PTPRD: variants seen among roughly 807,000 people sequenced by gnomAD.
PTPRD encodes receptor-type tyrosine-protein phosphatase delta.
PTPRD carries 34 observed loss-of-function variants against 214.5 expected under a neutral mutation model. That is an observed-to-expected ratio of 0.16 (90% CI 0.12 to 0.21). The LOEUF (loss-of-function observed/expected upper bound fraction) is 0.21, where lower values mean the gene tolerates loss of function less well. Among genes scored for constraint, PTPRD ranks in the 10% least tolerant of loss-of-function variants. PTPRD has a pLI of 1.00. For synonymous variants in PTPRD, 1,128 were observed against 845.7 expected, an observed-to-expected ratio of 1.33 and a Z score of -5.79; for missense variants, 2,545 against 2,398.7, an observed-to-expected ratio of 1.06 and a Z score of -1.27.
At chr9:9,939,157 C>G (rs1039027763) in intron 4 of PTPRD, among the ~76,000 whole-genome samples, 1 of 152,058 alleles carries the variant, frequency 6.6e-6, no homozygotes, top group Non-Finnish European at 1.5e-5. Context: ...CTCAAACGCA[C>G]CAGAGTGTTG....
At chr9:9,431,691 T>C (rs1237639396) in intron 8 of PTPRD, among the ~76,000 whole-genome samples, 4 of 152,026 alleles carry the variant, frequency 2.6e-5, no homozygotes, top group Admixed American at 2.6e-4. Flanking sequence ...TAAGAAAATG[T>C]GGCACATATA....
chr9:8,673,753 T>G (rs1385703256), intron 12 of PTPRD, among the ~76,000 whole-genome samples: 6 of 152,230 alleles, frequency 3.9e-5, no homozygotes, highest in African/African-American at 1.4e-4. Flanking sequence ...TCTCTATTTG[T>G]GTATGTTCAA....
Position 10,360,981 on chromosome 9 carries a change from A to G in PTPRD, c.-599-19964T>C, listed in dbSNP as rs184986503. ...GCCGGGCGTGGTGCCGGGCGCCTGT[A>G]GTCCCAGCTACTCGGGAGGCTGAGG... On this transcript the variant is annotated intron_variant, in intron 2 of 45. Transcript: ENST00000381196. 4.9e-3 allele frequency among the ~76,000 whole-genome samples: 739 copies of G among 152,208 alleles called. 7 individuals are homozygous for G. The highest frequency in any genetic ancestry group is 5.4e-3 in the Non-Finnish European group (367 of 68,018).
chr9:9,957,492 C>T (rs975303591), intron 4 of PTPRD, among the ~76,000 whole-genome samples: 8 of 151,848 alleles, frequency 5.3e-5, no homozygotes, highest in South Asian at 2.1e-4. Context: ...ATTAAATATC[C>T]GATGATTTAA....
intron 12 of PTPRD, among the ~76,000 whole-genome samples, chr9:8,655,385 C>T (rs185278924): frequency 6.7e-4 from 102 of 152,252 alleles, no homozygotes; most frequent in Middle Eastern, 6.8e-3. Context: ...TTTATTGTAA[C>T]TTAGGGGTTA....
chr9:8,381,520 G>T (rs975487010), intron 37 of PTPRD, among the ~76,000 whole-genome samples: 1 of 152,096 alleles, frequency 6.6e-6, no homozygotes, highest in African/African-American at 2.4e-5. Flanking sequence ...CAGTCAGTCT[G>T]GTTTGTGTAT....
chr9:8,861,067 G>A (rs2098093665), intron 11 of PTPRD: 1 of 152,160 alleles, frequency 6.6e-6, no homozygotes, highest in East Asian at 1.9e-4. Context: ...ATAGCACACA[G>A]GAGCTTTGCT....
At chr9:10,439,506 T>C (rs765983101) in intron 2 of PTPRD, among the ~76,000 whole-genome samples, 2 of 151,804 alleles carry the variant, frequency 1.3e-5, no homozygotes, top group African/African-American at 2.4e-5. Flanking sequence ...GTAGTGGTCT[T>C]GGACACATAT....
At chr9:9,448,247 G>C (rs989529068) in intron 8 of PTPRD, among the ~76,000 whole-genome samples, 1 of 151,944 alleles carries the variant, frequency 6.6e-6, no homozygotes, top group African/African-American at 2.4e-5. Flanking sequence ...ACTCTGATAC[G>C]GTTTGGCTAT....
chr9:9,154,853 G>A (rs1046908374), intron 10 of PTPRD, among the ~76,000 whole-genome samples: 1 of 152,232 alleles, frequency 6.6e-6, no homozygotes, highest in Admixed American at 6.5e-5. Flanking sequence ...CCAATGTAAA[G>A]ATTTTTAACC....
intron 7 of PTPRD, among the ~76,000 whole-genome samples, chr9:9,610,040 T>C (rs952783734): frequency 3.9e-5 from 6 of 152,216 alleles, no homozygotes; most frequent in Non-Finnish European, 8.8e-5. Flanking sequence ...CTCTCATTTA[T>C]GTTAGTAGTC....
At chr9:9,454,134 T>A (rs1000818580) in intron 8 of PTPRD, among the ~76,000 whole-genome samples, 2 of 150,474 alleles carry the variant, frequency 1.3e-5, no homozygotes, top group African/African-American at 4.9e-5. Flanking sequence ...AATGAAAATA[T>A]CCATTTTTAA....
At chr9:9,873,622 G>A (rs1328283732) in intron 5 of PTPRD, among the ~76,000 whole-genome samples, 1 of 152,120 alleles carries the variant, frequency 6.6e-6, no homozygotes, top group East Asian at 1.9e-4. Flanking sequence ...CATGCCTATA[G>A]TTATCTAAAC....
chr9:8,648,879 A>T (rs184227037), intron 12 of PTPRD, among the ~76,000 whole-genome samples: 3 of 152,348 alleles, frequency 2.0e-5, no homozygotes, highest in Admixed American at 1.3e-4. Flanking sequence ...AGATTCATTT[A>T]CATCATCCAC....
intron 14 of PTPRD, among the ~76,000 whole-genome samples, chr9:8,586,171 G>T (rs1334264197): frequency 6.6e-6 from 1 of 152,094 alleles, no homozygotes; most frequent in Non-Finnish European, 1.5e-5. Context: ...GTGGCGGCGT[G>T]TGCCTGTAAT....
At chr9:10,541,848 T>C (rs2059189780) in intron 2 of PTPRD, among the ~76,000 whole-genome samples, 1 of 151,972 alleles carries the variant, frequency 6.6e-6, no homozygotes, top group Non-Finnish European at 1.5e-5. Context: ...TAATAACAAA[T>C]GAGATTTTTA....
chr9:8,819,455 G>C (rs575649721), intron 11 of PTPRD, among the ~76,000 whole-genome samples: 14 of 152,222 alleles, frequency 9.2e-5, no homozygotes, highest in African/African-American at 2.9e-4. Flanking sequence ...CTGAGGTCAG[G>C]ATTCAAGATC....
chr9:9,815,768 A>C (rs1436453815), intron 5 of PTPRD, among the ~76,000 whole-genome samples: 1 of 152,150 alleles, frequency 6.6e-6, no homozygotes, highest in Non-Finnish European at 1.5e-5. Flanking sequence ...GGGGCATGAG[A>C]GTATGTTGGT....
intron 11 of PTPRD, among the ~76,000 whole-genome samples, chr9:8,791,521 G>GA: frequency 8.4e-6 from 1 of 119,520 alleles, no homozygotes; most frequent in Non-Finnish European, 1.7e-5. Context: ...ACCATGCCCA[G>GA]ACTTTTTTTT....
Sources: allele counts gnomAD v4.1 joint callset (sites outside exome capture counted in the v4.1 genomes callset), GRCh38; gene constraint gnomAD v4.1.1; transcripts MANE v1.5; gene names NCBI Gene and HGNC (gene_info 2026-07-23, HGNC 2026-07-21).